Variants in CTBP2 observed in about 807,000 individuals in gnomAD.
CTBP2 encodes the protein C-terminal binding protein 2.
In CTBP2, 30 loss-of-function variants were observed where a neutral mutation model predicts 80.3. That is an observed-to-expected ratio of 0.37 (90% CI 0.28 to 0.51). The LOEUF is 0.51. Among genes scored for constraint, CTBP2 ranks in the 20% least tolerant of loss-of-function variants. The pLI is 0.93. For synonymous variants in CTBP2, 594 were observed against 587.4 expected (o/e 1.01, Z -0.16); for missense variants, 1,212 against 1,375.3 (o/e 0.88, Z 1.88).
At chr10:125,025,932 G>A (rs572864915) in intron 1 of CTBP2, 1 of 1,066,098 alleles carries the variant, frequency 9.4e-7, no homozygotes, top group South Asian at 1.8e-5. Flanking sequence ...GTGTCAACTG[G>A]CCACAGTGCT....
intron 2 of CTBP2, among the ~76,000 whole-genome samples, chr10:125,073,393 A>T (rs1845807486): frequency 6.6e-6 from 1 of 152,146 alleles, no homozygotes. Flanking sequence ...ACAAGCGTGC[A>T]CCACCACACC....
chr10:125,054,189 TG>T (rs1276948712), intron 2 of CTBP2, among the ~76,000 whole-genome samples: 1 of 152,116 alleles, frequency 6.6e-6, no homozygotes, highest in Non-Finnish European at 1.5e-5. Context: ...ATCAATCCCA[TG>T]GCCCCCGGGG....
upstream of CTBP2, among the ~76,000 whole-genome samples, chr10:125,031,206 G>C (rs984779722): frequency 6.6e-6 from 1 of 152,066 alleles, no homozygotes; most frequent in African/African-American, 2.4e-5. Flanking sequence ...AAGTTTTCTT[G>C]GGCCGGGTGC....
At chr10:125,105,221 T>C (rs1851271694) in intron 2 of CTBP2, among the ~76,000 whole-genome samples, 3 of 151,694 alleles carry the variant, frequency 2.0e-5, no homozygotes, top group Admixed American at 2.0e-4. Flanking sequence ...AATCATGGCT[T>C]ACTGCAGCCT....
intron 1 of CTBP2, among the ~76,000 whole-genome samples, chr10:125,134,947 T>C (rs573873050): frequency 6.9e-6 from 1 of 145,904 alleles, no homozygotes; most frequent in East Asian, 2.1e-4. Context: ...ACGTTAATAC[T>C]AGAACCCACG....
At chr10:124,992,655 G>T in intron 8 of CTBP2, 40 bp downstream of exon 10, 1 of 1,483,676 alleles carries the variant, frequency 6.7e-7, no homozygotes, top group East Asian at 2.3e-5. Context: ...CCGGGGCCGT[G>T]GTGCTCACAA....
chr10:125,042,577 C>T (rs541766141), intron 2 of CTBP2, among the ~76,000 whole-genome samples: 82 of 152,324 alleles, frequency 5.4e-4, no homozygotes, highest in African/African-American at 7.5e-4. Context: ...AGACCCCACT[C>T]GTGGAATGAG....
intron 1 of CTBP2, among the ~76,000 whole-genome samples, chr10:125,022,011 G>A (rs778399669): frequency 3.3e-5 from 5 of 152,256 alleles, no homozygotes; most frequent in Non-Finnish European, 7.3e-5. Flanking sequence ...CGCAGGCATA[G>A]ATTACTCTGC....
At chr10:125,088,761 GA>G (rs1848365657) in intron 2 of CTBP2, among the ~76,000 whole-genome samples, 1 of 152,112 alleles carries the variant, frequency 6.6e-6, no homozygotes, top group South Asian at 2.1e-4. Context: ...AAAAGAGGGC[GA>G]AGATCACACC....
chr10:125,107,066 G>A (rs943642663), intron 2 of CTBP2, among the ~76,000 whole-genome samples: 1 of 152,194 alleles, frequency 6.6e-6, no homozygotes, highest in Admixed American at 6.5e-5. Context: ...GGTGGAGGGA[G>A]GCTGGGATTC....
chr10:124,994,385 T>C, intron 5 of CTBP2, 84 bp downstream of exon 7: 3 of 1,355,528 alleles, frequency 2.2e-6, no homozygotes, highest in South Asian at 1.2e-5. Context: ...ACCACCTCCG[T>C]TGCCCTCCGT....
intron 2 of CTBP2, among the ~76,000 whole-genome samples, chr10:125,101,581 C>T (rs143502493): frequency 6.6e-5 from 10 of 152,284 alleles, no homozygotes; most frequent in East Asian, 1.9e-4. Context: ...ATTACCAGGT[C>T]GATGGGCAAG....
chr10:125,144,136 C>T (rs1055670524), intron 1 of CTBP2, among the ~76,000 whole-genome samples: 126 of 152,324 alleles, frequency 8.3e-4, no homozygotes, highest in African/African-American at 2.5e-3. Flanking sequence ...TAAGGACACC[C>T]GTGGATGCTC....
At position 125,037,800 on chromosome 10, in the gene CTBP2, T is replaced by C. The variant is rs1178556461; in HGVS notation, c.58+1197A>G. On this transcript the variant is annotated intron_variant, in intron 3 of 10. Transcript: ENST00000337195. Reference sequence around the variant, plus strand: ...ATAAAAGGTGCCATGCCATAGGTAGTCCAGAGTAAAGTGCTGCCCCTGAAT... The same window carrying C: ...ATAAAAGGTGCCATGCCATAGGTAGCCCAGAGTAAAGTGCTGCCCCTGAAT... Among the ~76,000 whole-genome samples, 4 of 152,194 alleles carry C rather than the reference T, an allele frequency of 2.6e-5. No individual in the cohort carries two copies. In the East Asian group the frequency reaches 7.7e-4, roughly 29 times the overall value.
At chr10:125,056,534 G>C (rs1316038465) in intron 2 of CTBP2, among the ~76,000 whole-genome samples, 1 of 152,212 alleles carries the variant, frequency 6.6e-6, no homozygotes, top group Non-Finnish European at 1.5e-5. Flanking sequence ...GAGCCTGTAA[G>C]ATAACATCAC....
intron 2 of CTBP2, among the ~76,000 whole-genome samples, chr10:125,047,296 A>G (rs1393923456): frequency 6.6e-6 from 1 of 152,228 alleles, no homozygotes; most frequent in Admixed American, 6.5e-5. Flanking sequence ...CTACTCTGGC[A>G]TGAAAATTTT....
Position 125,003,947 on chromosome 10 carries a change from C to T in CTBP2, c.1679-455G>A, listed in dbSNP as rs568927346. 5.9e-5 allele frequency among the ~76,000 whole-genome samples: 9 copies of T among 152,352 alleles called. No individual in the cohort carries two copies. In the South Asian group the frequency reaches 1.9e-3, roughly 32 times the overall value. Reference sequence around the variant, plus strand: ...CTGGGCAGGCTCCTCCAGCCCCTCTCACCTGCGCTGGGTGAGGAGAAATGG... The same window carrying T: ...CTGGGCAGGCTCCTCCAGCCCCTCTTACCTGCGCTGGGTGAGGAGAAATGG... On this transcript the variant is annotated intron_variant, in intron 1 of 8. Transcript: ENST00000309035.
chr10:124,993,490 G>T (rs1050139248), intron 6 of CTBP2, among the ~76,000 whole-genome samples, 161 bp from the exon 9 acceptor site: 20 of 152,178 alleles, frequency 1.3e-4, no homozygotes, highest in African/African-American at 3.9e-4. Context: ...GGGAATTTTT[G>T]AATGTAATTA....
At chr10:125,059,787 C>A (rs922299546) in intron 2 of CTBP2, among the ~76,000 whole-genome samples, 1 of 152,174 alleles carries the variant, frequency 6.6e-6, no homozygotes, top group Non-Finnish European at 1.5e-5. Context: ...CGCCCACCCC[C>A]ACCAGCTCCA....
Sources: gnomAD v4.1 joint callset for allele counts (sites outside exome capture counted in the v4.1 genomes callset) on GRCh38, gnomAD v4.1.1 for gene constraint, MANE v1.5 for transcripts, NCBI Gene and HGNC (gene_info 2026-07-23, HGNC 2026-07-21) for gene names.